Variants in EIF3H observed in about 807,000 individuals in gnomAD.
EIF3H encodes the protein eIF-3-gamma.
EIF3H carries 26 observed loss-of-function variants against 44.2 expected under a neutral mutation model. The ratio of observed to expected loss-of-function variants is 0.59; its 90% confidence interval spans 0.43 to 0.82. The LOEUF (loss-of-function observed/expected upper bound fraction) is 0.82. Among genes scored for constraint, EIF3H ranks in the 40% least tolerant of loss-of-function variants. EIF3H has a pLI of 0.00. For synonymous variants in EIF3H, 166 were observed against 151.9 expected, an observed-to-expected ratio of 1.09 and a Z score of -0.68; for missense variants, 359 against 432.8, an observed-to-expected ratio of 0.83 and a Z score of 1.51.
intron 6 of EIF3H, among the ~76,000 whole-genome samples, chr8:116,646,999 T>C (rs1813312131): frequency 6.6e-6 from 1 of 152,154 alleles, no homozygotes. Flanking sequence ...ACACTGGAAA[T>C]TCTTTCACCT....
intron 2 of EIF3H, among the ~76,000 whole-genome samples, chr8:116,683,534 T>C (rs1321380771): frequency 6.6e-6 from 1 of 152,210 alleles, no homozygotes; most frequent in East Asian, 1.9e-4. Flanking sequence ...GGGTTAGAAA[T>C]TTGACGTAAG....
intron 5 of EIF3H, among the ~76,000 whole-genome samples, chr8:116,649,614 A>G (rs1813357787): frequency 6.6e-6 from 1 of 152,134 alleles, no homozygotes; most frequent in Non-Finnish European, 1.5e-5. Flanking sequence ...GCTACTATAC[A>G]TATATATATT....
At chr8:116,750,200 A>G (rs1198890721) in intron 1 of EIF3H, among the ~76,000 whole-genome samples, 1 of 152,306 alleles carries the variant, frequency 6.6e-6, no homozygotes, top group Admixed American at 6.5e-5. Context: ...TGAAGAACAG[A>G]ATACATCTGG....
intron 1 of EIF3H, among the ~76,000 whole-genome samples, chr8:116,752,800 GGAAGGAA>G (rs1563663312): frequency 1.9e-4 from 17 of 89,548 alleles, no homozygotes; most frequent in East Asian, 5.5e-4. Flanking sequence ...AGGGAGGGAA[GGAAGGAA>G]GGAAGGAAGG....
At chr8:116,745,141 T>C (rs907043576) in intron 1 of EIF3H, among the ~76,000 whole-genome samples, 1 of 152,268 alleles carries the variant, frequency 6.6e-6, no homozygotes, top group African/African-American at 2.4e-5. Context: ...TAAATAGATA[T>C]GTGAGGCATT....
Position 116,705,567 on chromosome 8 carries a change from C to T in EIF3H, c.289+20449G>A, listed in dbSNP as rs192057031. Among the ~76,000 whole-genome samples, 41 of 148,192 alleles carry T rather than the reference C, an allele frequency of 2.8e-4. No individual in the cohort carries two copies. The East Asian group carries it at 8.2e-3, about 30-fold the overall frequency. On this transcript the variant is annotated intron_variant, in intron 2 of 7. Transcript: ENST00000521861. ...AACACTGAGATTTCTTCTCAAAAAT[C>T]TGTAACTCCAGTTTAATCATGAAAA...
chr8:116,755,879 C>A, upstream of EIF3H: 1 of 1,583,602 alleles, frequency 6.3e-7, no homozygotes, highest in Non-Finnish European at 8.5e-7. Context: ...ACTCGCAGGC[C>A]GGCGTTCGAG....
intron 2 of EIF3H, among the ~76,000 whole-genome samples, chr8:116,691,065 G>C (rs1166287796): frequency 6.6e-6 from 1 of 152,276 alleles, no homozygotes; most frequent in African/African-American, 2.4e-5. Context: ...GATCAAAGGG[G>C]CATTTTATAA....
intron 2 of EIF3H, among the ~76,000 whole-genome samples, chr8:116,706,519 CTTTATTTA>C (rs887973283): frequency 2.6e-5 from 4 of 151,974 alleles, no homozygotes; most frequent in African/African-American, 9.7e-5. Context: ...ATATTTAACA[CTTTATTTA>C]TTTATTTATT....
At chr8:116,750,163 G>A (rs1287087834) in intron 1 of EIF3H, among the ~76,000 whole-genome samples, 1 of 152,286 alleles carries the variant, frequency 6.6e-6, no homozygotes, top group Non-Finnish European at 1.5e-5. Context: ...CATGTGGTCG[G>A]CAATCAATAA....
At chr8:116,681,404 A>G (rs2130844000) in intron 2 of EIF3H, among the ~76,000 whole-genome samples, 1 of 152,048 alleles carries the variant, frequency 6.6e-6, no homozygotes, top group African/African-American at 2.4e-5. Context: ...ACAGTGGCTC[A>G]TGCCTGCAAT....
At chr8:116,672,661 A>G (rs910879502) in intron 2 of EIF3H, among the ~76,000 whole-genome samples, 16 of 152,044 alleles carry the variant, frequency 1.1e-4, no homozygotes, top group African/African-American at 3.9e-4. Flanking sequence ...AAAAAACTTG[A>G]AACAGTGGTC....
At chr8:116,658,616 G>T in intron 3 of EIF3H, 197 bp downstream of exon 3, 1 of 524,648 alleles carries the variant, frequency 1.9e-6, no homozygotes, top group Non-Finnish European at 3.3e-6. Flanking sequence ...GTACACATCA[G>T]GGCTCTGATA....
intron 2 of EIF3H, among the ~76,000 whole-genome samples, chr8:116,676,250 A>G (rs1403828714): frequency 2.0e-5 from 3 of 152,222 alleles, no homozygotes. Context: ...AAGAATACAA[A>G]GTGGGGAAGA....
chr8:116,761,813 T>TA (rs1815521448), intron 1 of EIF3H, among the ~76,000 whole-genome samples: 1 of 152,234 alleles, frequency 6.6e-6, no homozygotes, highest in African/African-American at 2.4e-5. Context: ...AGCTCACTGA[T>TA]ACTGGCAGGA....
At chr8:116,696,214 A>G (rs1814266649) in intron 2 of EIF3H, among the ~76,000 whole-genome samples, 1 of 152,208 alleles carries the variant, frequency 6.6e-6, no homozygotes, top group African/African-American at 2.4e-5. Flanking sequence ...GGAACATTAC[A>G]TTATGCCAAA....
chr8:116,741,856 T>C (rs1210836287), intron 1 of EIF3H, among the ~76,000 whole-genome samples: 2 of 152,270 alleles, frequency 1.3e-5, no homozygotes, highest in African/African-American at 4.8e-5. Context: ...TTGGCAGTTT[T>C]CTTATTTGGT....
At chr8:116,730,535 A>G (rs1814934375) in intron 1 of EIF3H, among the ~76,000 whole-genome samples, 1 of 152,240 alleles carries the variant, frequency 6.6e-6, no homozygotes, top group Admixed American at 6.5e-5. Flanking sequence ...TGTTAAAAGG[A>G]AAGGAAATTC....
At chr8:116,655,217 G>A (rs1295699413) in intron 5 of EIF3H, among the ~76,000 whole-genome samples, 1 of 151,252 alleles carries the variant, frequency 6.6e-6, no homozygotes, top group Non-Finnish European at 1.5e-5. Context: ...TTAACAAAGG[G>A]AACAATACTT....
Sources: gnomAD v4.1 joint callset for allele counts (sites outside exome capture counted in the v4.1 genomes callset) on GRCh38, gnomAD v4.1.1 for gene constraint, MANE v1.5 for transcripts, NCBI Gene and HGNC (gene_info 2026-07-23, HGNC 2026-07-21) for gene names.